The following FBXL7 variants were observed in gnomAD, a reference collection of about 807,000 sequenced individuals.
FBXL7 encodes F-box/LRR-repeat protein 7.
Under a neutral mutation model 38.3 loss-of-function variants are expected in FBXL7, and 12 were observed. The ratio of observed to expected loss-of-function variants is 0.31; its 90% CI spans 0.20 to 0.51. The LOEUF (loss-of-function observed/expected upper bound fraction) is 0.51. Among genes scored for constraint, FBXL7 ranks in the 20% least tolerant of loss-of-function variants. The pLI, the probability that FBXL7 is intolerant of heterozygous loss-of-function variation, is 0.98. For synonymous variants in FBXL7, 297 were observed against 300.9 expected (o/e 0.99, Z 0.13); for missense variants, 567 against 676.4 (o/e 0.84, Z 1.79).
At chr5:15,814,261 G>C (rs1346865925) in intron 2 of FBXL7, among the ~76,000 whole-genome samples, 1 of 152,160 alleles carries the variant, frequency 6.6e-6, no homozygotes, top group Non-Finnish European at 1.5e-5. Flanking sequence ...AAAAGGATGA[G>C]TTCGTGTCCT....
intron 2 of FBXL7, among the ~76,000 whole-genome samples, chr5:15,641,502 AT>A (rs201635639): frequency 0.031 from 4,416 of 142,962 alleles, 179 homozygotes; most frequent in African/African-American, 0.094. Context: ...TATGACTGCC[AT>A]TTTTTTTTTT....
intron 2 of FBXL7, among the ~76,000 whole-genome samples, chr5:15,730,690 T>C (rs1416312347): frequency 1.3e-5 from 2 of 152,208 alleles, no homozygotes; most frequent in Non-Finnish European, 2.9e-5. Context: ...TATGAATGTA[T>C]GTTTTGTTCT....
rs1447273573 is a variant in FBXL7, at chr5:15,500,227, C to A, written c.-450C>A. On this transcript the variant is annotated 5_prime_UTR_variant, in exon 1 of 4. Transcript: ENST00000504595. ...GCTCCGGGGACCCGCAACAAGTGGC[C>A]GCCGCGCCCTCCCCGGGGAAGCCGC... The A allele has an allele frequency of 1.3e-5, 2 of 151,958 alleles. No homozygotes were observed. Among genetic ancestry groups the A allele is most frequent in the African/African-American group, 4.8e-5 (2 of 41,416 alleles). 9.4% of individuals were successfully genotyped at this position (151,958 alleles called of 1,614,324 possible).
At chr5:15,895,769 T>C (rs1472252877) in intron 2 of FBXL7, among the ~76,000 whole-genome samples, 1 of 143,760 alleles carries the variant, frequency 7.0e-6, no homozygotes, top group Non-Finnish European at 1.5e-5. Context: ...TCAGCCTCCC[T>C]AGTAGCTGGG....
intron 1 of FBXL7, among the ~76,000 whole-genome samples, chr5:15,572,075 A>G (rs563064426): frequency 6.4e-4 from 97 of 152,294 alleles, no homozygotes; most frequent in African/African-American, 2.0e-3. Context: ...ACTGGGCTTA[A>G]CCAAAAATGT....
chr5:15,651,088 C>CT (rs547135923), intron 2 of FBXL7, among the ~76,000 whole-genome samples: 15,224 of 142,060 alleles, frequency 0.11, 916 homozygotes, highest in South Asian at 0.17. Flanking sequence ...AAACATACTT[C>CT]TTTTTTTTTT....
intron 2 of FBXL7, among the ~76,000 whole-genome samples, chr5:15,875,807 G>A (rs1240987949): frequency 1.3e-5 from 2 of 152,176 alleles, no homozygotes; most frequent in South Asian, 2.1e-4. Context: ...GACGGTGGGA[G>A]TGTAAATTAG....
intron 2 of FBXL7, among the ~76,000 whole-genome samples, chr5:15,651,397 C>G (rs1741706673): frequency 6.6e-6 from 1 of 152,108 alleles, no homozygotes; most frequent in Non-Finnish European, 1.5e-5. Flanking sequence ...GCCCGGCCAA[C>G]ATACTTCTTA....
chr5:15,517,530 C>A (rs1736975386), intron 1 of FBXL7, among the ~76,000 whole-genome samples: 1 of 152,118 alleles, frequency 6.6e-6, no homozygotes, highest in African/African-American at 2.4e-5. Context: ...AGGCGGGAAC[C>A]AGTCATAGGC....
In FBXL7 at chr5:15,930,288, GC is replaced by G. The variant is rs541036729; in HGVS notation, c.739+1788del. Among the ~76,000 whole-genome samples the G allele has an allele frequency of 5.5e-3, 833 of 152,304 alleles. 5 individuals carry two copies. The highest frequency in any genetic ancestry group is 0.019 in the African/African-American group (790 of 41,562). ...ACTTTGTGATTTAGAAAAGTTCACA[GC>G]TTTTTCTAGATGTGTTTCCTCTTCA... On this transcript the variant is annotated intron_variant, in intron 3 of 3. Coordinates refer to ENST00000504595, the MANE Select transcript of FBXL7 (RefSeq NM_012304.5).
chr5:15,794,825 G>A (rs1737373503), intron 2 of FBXL7, among the ~76,000 whole-genome samples: 1 of 152,166 alleles, frequency 6.6e-6, no homozygotes, highest in Non-Finnish European at 1.5e-5. Flanking sequence ...TAATAATAAT[G>A]TAAGAGGGGA....
chr5:15,849,469 T>A (rs1323804449), intron 2 of FBXL7, among the ~76,000 whole-genome samples: 1 of 152,116 alleles, frequency 6.6e-6, no homozygotes, highest in East Asian at 1.9e-4. Context: ...ATTGTGGGAG[T>A]GGTTTCCCCC....
At chr5:15,762,831 TA>T (rs1450388700) in intron 2 of FBXL7, among the ~76,000 whole-genome samples, 7 of 152,242 alleles carry the variant, frequency 4.6e-5, no homozygotes, top group African/African-American at 1.7e-4. Context: ...AGTGTCTTCC[TA>T]AACAGTTTAT....
At chr5:15,596,599 C>G (rs1278005722) in intron 1 of FBXL7, among the ~76,000 whole-genome samples, 1 of 152,154 alleles carries the variant, frequency 6.6e-6, no homozygotes, top group Non-Finnish European at 1.5e-5. Flanking sequence ...ATTCCTATTC[C>G]AAACCCACAA....
At chr5:15,696,168 G>A (rs1048673945) in intron 2 of FBXL7, among the ~76,000 whole-genome samples, 3 of 152,100 alleles carry the variant, frequency 2.0e-5, no homozygotes, top group African/African-American at 4.8e-5. Flanking sequence ...ACTGGAATAC[G>A]TATGGCATGG....
At position 15,500,560 on chromosome 5, in the gene FBXL7, T is replaced by A. The variant is rs910955028; in HGVS notation, c.-117T>A. On this transcript the variant is annotated 5_prime_UTR_variant, in exon 1 of 4. In the 5' UTR this introduces an upstream ATG that the reference lacks. Transcript: ENST00000504595. Reference sequence around the variant, plus strand: ...CCAGGCCGGAGGTCGGCCCCGGAGCTTGGGGGGGATGTGCAGCTAACGGTC... The same window carrying A: ...CCAGGCCGGAGGTCGGCCCCGGAGCATGGGGGGGATGTGCAGCTAACGGTC... 16 of 1,429,250 alleles carry A rather than the reference T, an allele frequency of 1.1e-5. No homozygotes were observed. In the Admixed American group the frequency reaches 2.5e-4, roughly 22 times the overall value. The allele number at this position is 1,429,250 out of a possible 1,614,324, so 88.5% of individuals were successfully genotyped here.
At chr5:15,679,366 G>A (rs886962557) in intron 2 of FBXL7, among the ~76,000 whole-genome samples, 1 of 152,106 alleles carries the variant, frequency 6.6e-6, no homozygotes, top group East Asian at 1.9e-4. Context: ...TTAATGAATC[G>A]TGCTTTTGCC....
chr5:15,711,355 TATGAAGAA>T (rs1172788587), intron 2 of FBXL7, among the ~76,000 whole-genome samples: 1 of 152,228 alleles, frequency 6.6e-6, no homozygotes, highest in Non-Finnish European at 1.5e-5. Context: ...CTTCATATTG[TATGAAGAA>T]ATGAAGATAC....
chr5:15,623,149 T>G (rs1740707997), intron 2 of FBXL7, among the ~76,000 whole-genome samples: 1 of 152,232 alleles, frequency 6.6e-6, no homozygotes, highest in African/African-American at 2.4e-5. Flanking sequence ...TTGAGCTGGT[T>G]GCAGAGCTGA....
Sources: gnomAD v4.1 joint callset for allele counts (sites outside exome capture counted in the v4.1 genomes callset) on GRCh38, gnomAD v4.1.1 for gene constraint, MANE v1.5 for transcripts, NCBI Gene and HGNC (gene_info 2026-07-23, HGNC 2026-07-21) for gene names.